The following ERC1 variants were observed in gnomAD, a reference collection of about 807,000 sequenced individuals.
ERC1 encodes the protein ELKS/RAB6-interacting/CAST family member 1, also known as RAB6 interacting protein 2.
Under a neutral mutation model 132.0 loss-of-function variants are expected in ERC1, and 56 were observed. The ratio of observed to expected loss-of-function variants is 0.42; its 90% CI spans 0.34 to 0.53. The LOEUF (loss-of-function observed/expected upper bound fraction) is 0.53, where lower values mean the gene tolerates loss of function less well. ERC1 is among the 20% of genes least tolerant of loss of function. ERC1 has a pLI of 0.03. For synonymous variants in ERC1, 478 were observed against 476.1 expected (o/e 1.00, Z -0.05); for missense variants, 1,202 against 1,349.9 (o/e 0.89, Z 1.72).
chr12:1,047,280 C>T (rs1056150803), intron 2 of ERC1, among the ~76,000 whole-genome samples: 9 of 151,868 alleles, frequency 5.9e-5, no homozygotes, highest in Non-Finnish European at 1.0e-4. Flanking sequence ...AAGGCATAAG[C>T]CCCCCGTCAT....
At chr12:1,020,087 G>A (rs923618699) in intron 1 of ERC1, among the ~76,000 whole-genome samples, 1 of 152,000 alleles carries the variant, frequency 6.6e-6, no homozygotes, top group African/African-American at 2.4e-5. Flanking sequence ...TCCAATATGC[G>A]CACTTTAAAC....
intron 1 of ERC1, among the ~76,000 whole-genome samples, chr12:1,002,739 C>A (rs556855725): frequency 6.6e-6 from 1 of 152,104 alleles, no homozygotes; most frequent in South Asian, 2.1e-4. Context: ...AGTAGTATCT[C>A]TTGGTTTTAA....
At chr12:1,394,244 CA>C (rs1219738059) in intron 16 of ERC1, among the ~76,000 whole-genome samples, 3 of 146,556 alleles carry the variant, frequency 2.0e-5, no homozygotes, top group South Asian at 4.4e-4. Flanking sequence ...ACTAAAAATA[CA>C]AAAAATTAGC....
At chr12:1,225,449 T>TACACACACACAC (rs67132193) in intron 12 of ERC1, among the ~76,000 whole-genome samples, 24 of 131,848 alleles carry the variant, frequency 1.8e-4, no homozygotes, top group East Asian at 1.1e-3. Flanking sequence ...GGCTGTCTCT[T>TACACACACACAC]ACACACACAC....
intron 8 of ERC1, among the ~76,000 whole-genome samples, chr12:1,172,386 C>G (rs886695986): frequency 6.6e-6 from 1 of 152,108 alleles, no homozygotes; most frequent in African/African-American, 2.4e-5. Context: ...GAGGATTACT[C>G]GTGCTCAGGA....
chr12:1,363,221 C>T (rs532460754), intron 15 of ERC1, among the ~76,000 whole-genome samples: 1 of 152,260 alleles, frequency 6.6e-6, no homozygotes, highest in African/African-American at 2.4e-5. Flanking sequence ...AGTAGAGATA[C>T]AGATGTCGAG....
chr12:1,113,927 A>T (rs1441101631), intron 6 of ERC1, among the ~76,000 whole-genome samples: 1 of 152,122 alleles, frequency 6.6e-6, no homozygotes, highest in Non-Finnish European at 1.5e-5. Flanking sequence ...TGTGCTCCTA[A>T]GCTTTGTATT....
intron 3 of ERC1, among the ~76,000 whole-genome samples, chr12:1,094,159 C>T (rs1465744863): frequency 6.7e-6 from 1 of 149,410 alleles, no homozygotes; most frequent in African/African-American, 2.5e-5. Flanking sequence ...GCTGGGACTA[C>T]AGGTGCCTGC....
At chr12:1,182,425 A>G (rs1954585213) in intron 10 of ERC1, among the ~76,000 whole-genome samples, 1 of 152,246 alleles carries the variant, frequency 6.6e-6, no homozygotes, top group South Asian at 2.1e-4. Context: ...ATGTATAGCA[A>G]CTATCAAAGA....
At chr12:1,444,438 A>C in intron 17 of ERC1, 124 bp from the exon 18 acceptor site, 2 of 641,030 alleles carry the variant, frequency 3.1e-6, no homozygotes, top group Non-Finnish European at 5.2e-6. Context: ...AGTGATTAGA[A>C]GAGCTTTAGT....
intron 17 of ERC1, among the ~76,000 whole-genome samples, chr12:1,420,735 A>G (rs12423638): frequency 0.11 from 17,066 of 152,132 alleles, 1,552 homozygotes; most frequent in African/African-American, 0.25. Context: ...GATTACAGGC[A>G]TGAGCCACCA....
chr12:1,397,425 A>T (rs909682556), intron 16 of ERC1, among the ~76,000 whole-genome samples: 1 of 152,182 alleles, frequency 6.6e-6, no homozygotes, highest in Non-Finnish European at 1.5e-5. Context: ...CCACAGTGGG[A>T]TATTTGTTGT....
At chr12:1,064,574 TG>T (rs1336933779) in intron 2 of ERC1, among the ~76,000 whole-genome samples, 1 of 152,156 alleles carries the variant, frequency 6.6e-6, no homozygotes, top group Non-Finnish European at 1.5e-5. Flanking sequence ...TTACATTTTT[TG>T]TATAGATAGG....
Position 1,225,473 on chromosome 12 carries a change from C to CACAG in ERC1, c.2352-11293_2352-11292insGACA, listed in dbSNP as rs879884778. 4.2e-3 allele frequency among the ~76,000 whole-genome samples: 641 copies of CACAG among 151,626 alleles called. 1 individual carries two copies. Among genetic ancestry groups the CACAG allele is most frequent in the Admixed American group, 7.5e-3 (114 of 15,236 alleles). On this transcript the variant is annotated intron_variant, in intron 12 of 18. Coordinates refer to ENST00000360905, the MANE Select transcript of ERC1 (RefSeq NM_178040.4). Reference sequence around the variant, plus strand: ...TTACACACACACACACACACACACACACACACACACACACACACACGGAGT... The same window carrying CACAG: ...TTACACACACACACACACACACACACACAGACACACACACACACACACACGGAGT...
intron 12 of ERC1, among the ~76,000 whole-genome samples, chr12:1,234,051 T>C (rs1166024305): frequency 1.3e-5 from 2 of 152,194 alleles, no homozygotes; most frequent in Non-Finnish European, 2.9e-5. Flanking sequence ...GAATTTTAAA[T>C]GATGGCAAAA....
chr12:1,214,886 A>T (rs755600932), intron 12 of ERC1, among the ~76,000 whole-genome samples: 5 of 152,206 alleles, frequency 3.3e-5, no homozygotes, highest in Non-Finnish European at 7.4e-5. Context: ...GCTAAAGATC[A>T]TATAGATAAT....
At chr12:1,286,006 G>T (rs2079018700) in intron 14 of ERC1, among the ~76,000 whole-genome samples, 1 of 152,146 alleles carries the variant, frequency 6.6e-6, no homozygotes, top group Admixed American at 6.5e-5. Flanking sequence ...CTGTAATCCT[G>T]GCTAGGCGTG....
intron 13 of ERC1, among the ~76,000 whole-genome samples, chr12:1,246,817 C>A (rs1271145645): frequency 2.0e-5 from 3 of 152,098 alleles, no homozygotes; most frequent in Admixed American, 2.0e-4. Flanking sequence ...AATGCAAATT[C>A]TGGGACATTT....
chr12:1,159,367 CTCTTGTGAGAA>C (rs1326036626), intron 8 of ERC1, among the ~76,000 whole-genome samples: 6 of 152,156 alleles, frequency 3.9e-5, no homozygotes, highest in Non-Finnish European at 7.3e-5. Context: ...AGGATTCACG[CTCTTGTGAGAA>C]TCTAATGCTG....
Sources: allele counts gnomAD v4.1 joint callset (sites outside exome capture counted in the v4.1 genomes callset), GRCh38; gene constraint gnomAD v4.1.1; transcripts MANE v1.5; gene names NCBI Gene and HGNC (gene_info 2026-07-23, HGNC 2026-07-21).